KLK3: variants seen among roughly 807,000 people sequenced by gnomAD.
KLK3 encodes the protein kallikrein related peptidase 3.
KLK3 carries 23 observed loss-of-function variants against 27.7 expected under a neutral mutation model. The ratio of observed to expected loss-of-function variants is 0.83; its 90% CI spans 0.60 to 1.17. The LOEUF (loss-of-function observed/expected upper bound fraction) is 1.17. KLK3 is among the 50% of genes most tolerant of loss of function. The pLI is 0.00. For synonymous variants in KLK3, 142 were observed against 134.2 expected (o/e 1.06, Z -0.40); for missense variants, 322 against 338.1 (o/e 0.95, Z 0.37).
intron 2 of KLK3, among the ~76,000 whole-genome samples, chr19:50,857,179 A>AAAAAAG (rs1555770267): frequency 2.8e-5 from 4 of 145,364 alleles, no homozygotes; most frequent in African/African-American, 7.8e-5. Flanking sequence ...AAAAAAAAAA[A>AAAAAAG]AAAAGAAAAG....
intron 4 of KLK3, chr19:50,859,693 C>G (rs2090172493): frequency 6.3e-7 from 1 of 1,587,098 alleles, no homozygotes; most frequent in Middle Eastern, 1.7e-4. Context: ...TGGCCCTTGT[C>G]CCACCGACCT....
chr19:50,855,971 C>T (rs1188979294), intron 1 of KLK3: 3 of 396,448 alleles, frequency 7.6e-6, no homozygotes, highest in Non-Finnish European at 1.4e-5. Context: ...TGGGCGCTGT[C>T]TTGTGTCTCC....
rs954639251 is a variant in KLK3, at chr19:50,858,713, G to A, written c.630+118G>A. 58 of 1,131,988 alleles carry A rather than the reference G, an allele frequency of 5.1e-5. No individual in the cohort carries two copies. In the African/African-American group the frequency reaches 7.1e-4, roughly 14 times the overall value. The allele number at this position is 1,131,988 out of a possible 1,614,324, so 70.1% of individuals were successfully genotyped here. Reference sequence around the variant, plus strand: ...TCCCCTGCTCCCCAGCTGTAGCCATGCCACCTCCCCGTGTCTCATCTCATT... The same window carrying A: ...TCCCCTGCTCCCCAGCTGTAGCCATACCACCTCCCCGTGTCTCATCTCATT... On this transcript the variant is annotated intron_variant, in intron 4 of 4. Transcript: ENST00000326003.
chr19:50,860,171 A>G lies in KLK3; in HGVS notation c.*44A>G. On this transcript the variant is annotated 3_prime_UTR_variant, in exon 5 of 5. Coordinates refer to ENST00000326003, the MANE Select transcript of KLK3 (RefSeq NM_001648.2). ...TATTGTAGTAAACTTGGAACCTTGG[A>G]AATGACCAGGCCAAGACTCAAGCCT... 1 of 1,497,992 alleles carries G rather than the reference A, an allele frequency of 6.7e-7. No homozygotes were observed. Among genetic ancestry groups the G allele is most frequent in the Non-Finnish European group, 9.2e-7 (1 of 1,082,656 alleles). The allele number at this position is 1,497,992 out of a possible 1,614,324, so 92.8% of individuals were successfully genotyped here. A position where few individuals can be genotyped will look rare whatever the true frequency, so the allele number is the denominator to read the frequency against.
rs1451796041 is a variant in KLK3, at chr19:50,860,743, A to T, written c.*616A>T. The T allele has an allele frequency of 6.6e-6, 1 of 152,316 alleles. No homozygotes were observed. Among genetic ancestry groups the T allele is most frequent in the East Asian group, 1.9e-4 (1 of 5,184 alleles). 9.4% of individuals were successfully genotyped at this position (152,316 alleles called of 1,614,324 possible). On this transcript the variant is annotated 3_prime_UTR_variant, in exon 5 of 5. Coordinates refer to ENST00000326003, the MANE Select transcript of KLK3 (RefSeq NM_001648.2). ...ATGATTTCCTAGTAGAACTCACAGA[A>T]ATAAAGAGCTGTTATACTGTGGTTT...
intron 1 of KLK3, chr19:50,855,906 G>T: frequency 4.9e-6 from 1 of 203,238 alleles, no homozygotes; most frequent in Non-Finnish European, 9.8e-6. Flanking sequence ...CCTTCTCCCA[G>T]TCCAAGACCC....
intron 4 of KLK3, chr19:50,858,995 G>C (rs78779935): frequency 6.0e-6 from 2 of 332,504 alleles, no homozygotes; most frequent in Non-Finnish European, 5.5e-6. Context: ...TCAGGCTCTC[G>C]GGGAGGGAGA....
chr19:50,855,589 T>C (rs1419801371), intron 1 of KLK3: 1 of 153,998 alleles, frequency 6.5e-6, no homozygotes, highest in African/African-American at 2.4e-5. Flanking sequence ...GAACTCCTCA[T>C]TCCCTGACTC....
chr19:50,859,329 A>T (rs62113215), intron 4 of KLK3, among the ~76,000 whole-genome samples: 57,804 of 151,852 alleles, frequency 0.38, 11,516 homozygotes, highest in African/African-American at 0.43. Flanking sequence ...GGCCTGGCTC[A>T]GGTGTCCAGA....
At position 50,859,989 on chromosome 19, in the gene KLK3, A is replaced by C. The variant is rs1396908418; in HGVS notation, c.648A>C (p.Pro216=). 2 of 1,613,016 alleles carry C rather than the reference A, an allele frequency of 1.2e-6. No individual in the cohort carries two copies. The highest frequency in any genetic ancestry group is 3.3e-5 in the Admixed American group (2 of 59,920). ...ACCCTTAGGGTGATTCTGGGGGCCC[A>C]CTTGTCTGTAATGGTGTGCTTCAAG... is the stretch of plus-strand genomic sequence containing the variant. ...KSTCSGDSGG[P]LVCNGVLQGI... The change falls in exon 5 of 5, where the codon CCA becomes CCC. Residue 216 remains proline, a synonymous_variant. Transcript: ENST00000326003.
chr19:50,856,251 C>T lies in KLK3; in HGVS notation c.58C>T (p.Leu20Phe). Residue 20 changes from leucine to phenylalanine, a missense_variant, in exon 2 of 5, where the codon CTC becomes TTC. Transcript: ENST00000326003. ...LSVTWIGAAPLILSRIVGGWE... is the reference protein window; with the variant it reads ...LSVTWIGAAPFILSRIVGGWE... ...CACCCCCTCTGCAGGTGCTGCACCC[C>T]TCATCCTGTCTCGGATTGTGGGAGG... is the stretch of plus-strand genomic sequence containing the variant. 1.2e-6 allele frequency: 2 copies of T among 1,612,492 alleles called. No homozygotes were observed. Among genetic ancestry groups the T allele is most frequent in the Non-Finnish European group, 1.7e-6 (2 of 1,179,796 alleles).
At chr19:50,855,432 C>T (rs2292185) in intron 1 of KLK3, 64,371 of 169,296 alleles carry the variant, frequency 0.38, 12,717 homozygotes, top group East Asian at 0.51. Context: ...GCTGTGAGTG[C>T]CCAACCCTAT....
At chr19:50,857,914 CTG>C in intron 2 of KLK3, 113 bp from the exon 3 acceptor site, 1 of 1,159,098 alleles carries the variant, frequency 8.6e-7, no homozygotes, top group Non-Finnish European at 1.2e-6. Context: ...TTCCCCAACC[CTG>C]TGTTTTTCTC....
intron 2 of KLK3, chr19:50,857,448 C>A (rs985096222): frequency 6.5e-6 from 1 of 153,334 alleles, no homozygotes; most frequent in Non-Finnish European, 1.4e-5. Flanking sequence ...AGGCTACCTA[C>A]CCACTTGGAA....
chr19:50,856,343 C>T lies in KLK3; in HGVS notation c.150C>T (p.Cys50=), dbSNP rs144294681. The T allele has an allele frequency of 1.7e-4, 279 of 1,613,714 alleles. No homozygotes were observed. In the African/African-American group the frequency reaches 2.3e-3, roughly 13 times the overall value. Residue 50 remains cysteine (C), a synonymous_variant, in exon 2 of 5, where the codon TGC becomes TGT. Transcript: ENST00000326003. Reference sequence around the variant, plus strand: ...TGGCCTCTCGTGGCAGGGCAGTCTGCGGCGGTGTTCTGGTGCACCCCCAGT... The same window carrying T: ...TGGCCTCTCGTGGCAGGGCAGTCTGTGGCGGTGTTCTGGTGCACCCCCAGT... The part of the protein sequence containing the change: ...VLVASRGRAV[C]GGVLVHPQWV...
At position 50,857,144 on chromosome 19, in the gene KLK3, CAGAGTGAG is replaced by C. The variant is rs560492067; in HGVS notation, c.206+747_206+754del. Among the ~76,000 whole-genome samples, 2,431 of 112,442 alleles carry C rather than the reference CAGAGTGAG, an allele frequency of 0.022. 242 individuals are homozygous for C. The East Asian group carries it at 0.3, about 14-fold the overall frequency. 73.8% of individuals were successfully genotyped at this position (112,442 alleles called of 152,430 possible). ...TGCCACTGCACTCCAGCCTGGGTGA[CAGAGTGAG>C]ACTCCGCCTCAAAAAAAAAAAAAAA... On this transcript the variant is annotated intron_variant, in intron 2 of 4. Coordinates refer to ENST00000326003, the MANE Select transcript of KLK3 (RefSeq NM_001648.2).
At position 50,859,711 on chromosome 19, in the gene KLK3, A is replaced by G. The variant is rs1018464229; in HGVS notation, c.631-261A>G. The stretch of plus-strand genomic sequence containing the variant: ...CCCTTGTCCCACCGACCTGTCTACA[A>G]GGACTGTCCTCGTGGACCCTCCCCT... On this transcript the variant is annotated intron_variant, in intron 4 of 4. Transcript: ENST00000326003. The G allele has an allele frequency of 1.1e-5, 17 of 1,570,506 alleles. No individual in the cohort carries two copies. In the Admixed American group the frequency reaches 2.6e-4, roughly 24 times the overall value.
chr19:50,859,885 A>C (rs1457213956), intron 4 of KLK3, 87 bp from the exon 5 acceptor site: 1 of 1,524,726 alleles, frequency 6.6e-7, no homozygotes, highest in Non-Finnish European at 8.8e-7. Context: ...GCTATCTGTT[A>C]TCTGCCTGTC....
Position 50,860,378 on chromosome 19 carries a change from G to T in KLK3, c.*251G>T. On this transcript the variant is annotated 3_prime_UTR_variant, in exon 5 of 5. Coordinates refer to ENST00000326003, the MANE Select transcript of KLK3 (RefSeq NM_001648.2). ...CTCAATTTCTCTGAGGACACAGATA[G>T]GATGGGGTGTCTGTGTTATTTGTGG... is the stretch of plus-strand genomic sequence containing the variant. 2.5e-6 allele frequency: 1 copy of T among 393,658 alleles called. No individual in the cohort carries two copies. Among genetic ancestry groups the T allele is most frequent in the Non-Finnish European group, 4.6e-6 (1 of 216,858 alleles). The allele number at this position is 393,658 out of a possible 1,614,324, so 24.4% of individuals were successfully genotyped here.
Sources: allele counts gnomAD v4.1 joint callset (sites outside exome capture counted in the v4.1 genomes callset), GRCh38; gene constraint gnomAD v4.1.1; transcripts MANE v1.5; gene names NCBI Gene and HGNC (gene_info 2026-07-23, HGNC 2026-07-21).